Variants in ZNF790 observed in about 807,000 individuals in gnomAD.
The protein encoded by ZNF790 is zinc finger protein 790.
A neutral mutation model predicts 12.1 loss-of-function variants in ZNF790; 8 were observed. The observed-to-expected ratio is 0.66, with a 90% CI of 0.39 to 1.19. The LOEUF is 1.19. ZNF790 is among the 50% of genes most tolerant of loss of function. The pLI is 0.01. For synonymous variants in ZNF790, 252 were observed against 244.3 expected (o/e 1.03, Z -0.29); for missense variants, 707 against 752.2 (o/e 0.94, Z 0.70).
At chr19:36,832,715 A>G (rs2071966642) in intron 1 of ZNF790, among the ~76,000 whole-genome samples, 1 of 152,220 alleles carries the variant, frequency 6.6e-6, no homozygotes, top group East Asian at 1.9e-4. Flanking sequence ...TGGTGTTAAG[A>G]TAATAAATAT....
At chr19:36,832,660 G>T (rs570405424) in intron 1 of ZNF790, among the ~76,000 whole-genome samples, 1 of 152,084 alleles carries the variant, frequency 6.6e-6, no homozygotes, top group Non-Finnish European at 1.5e-5. Flanking sequence ...CCCCAAGCCA[G>T]AACTTCCCAG....
intron 1 of ZNF790, among the ~76,000 whole-genome samples, chr19:36,833,604 T>TA (rs1335581945): frequency 1.3e-5 from 2 of 152,148 alleles, no homozygotes; most frequent in African/African-American, 4.8e-5. Flanking sequence ...TAGCAAAAGA[T>TA]ATACCATGCA....
Position 36,819,449 on chromosome 19 carries a change from G to A in ZNF790, c.895C>T (p.Arg299Ter), listed in dbSNP as rs1227794. Residue 299 changes from arginine (R) to a stop codon, truncating the protein, a stop_gained, in exon 5 of 5, where the codon CGA becomes TGA. Coordinates refer to ENST00000356725, the MANE Select transcript of ZNF790 (RefSeq NM_206894.4). LOFTEE classifies it low-confidence loss of function (END_TRUNC). ...KAFSCGSDLTRHQRIHTGEKP... is the reference protein window; with the variant it reads ...KAFSCGSDLT Reference sequence around the variant, plus strand: ...TCACCAGTATGAATTCTCTGATGTCGAGTAAGATCTGAGCCACAACTAAAG... The same window carrying A: ...TCACCAGTATGAATTCTCTGATGTCAAGTAAGATCTGAGCCACAACTAAAG... 4.6e-3 allele frequency: 7,464 copies of A among 1,609,304 alleles called. 280 individuals carry two copies. In the African/African-American group the frequency reaches 0.087, roughly 19 times the overall value.
In ZNF790 at chr19:36,818,520, C is replaced by T. The variant is rs1200232733; in HGVS notation, c.1824G>A (p.Gln608=). 4 of 1,599,912 alleles carry T rather than the reference C, an allele frequency of 2.5e-6. No individual in the cohort carries two copies. The highest frequency in any genetic ancestry group is 3.4e-5 in the Admixed American group (2 of 59,356). The change falls in exon 5 of 5, where the codon CAG becomes CAA. Residue 608 remains glutamine, a synonymous_variant. Coordinates refer to ENST00000356725, the MANE Select transcript of ZNF790 (RefSeq NM_206894.4). ...AGGATTTCTCAAAAGTGTAAATATTCTGGTGTTGAGCAAAGTTTGACTCAT... is the reference window on the plus strand; with the variant it reads ...AGGATTTCTCAAAAGTGTAAATATTTTGGTGTTGAGCAAAGTTTGACTCAT... ...FSHESNFAQH[Q]NIYTFEKSYE... is the part of the protein sequence containing the mutation.
intron 2 of ZNF790, among the ~76,000 whole-genome samples, chr19:36,824,727 G>T (rs537139966): frequency 6.6e-6 from 1 of 152,264 alleles, no homozygotes; most frequent in East Asian, 1.9e-4. Flanking sequence ...ACACCAGCCT[G>T]GAAGAACTAG....
intron 1 of ZNF790, among the ~76,000 whole-genome samples, chr19:36,833,390 G>A (rs1469056274): frequency 6.6e-6 from 1 of 152,164 alleles, no homozygotes; most frequent in African/African-American, 2.4e-5. Flanking sequence ...TGATCCACCT[G>A]CCTCAGCCTC....
At chr19:36,820,892 CTT>C (rs1161286902) in intron 4 of ZNF790, among the ~76,000 whole-genome samples, 53 of 126,978 alleles carry the variant, frequency 4.2e-4, no homozygotes, top group African/African-American at 1.3e-3. Context: ...GAGACCCTGT[CTT>C]TTTTTTTTTT....
intron 1 of ZNF790, among the ~76,000 whole-genome samples, chr19:36,831,675 TGAAAA>T (rs1372945842): frequency 2.0e-5 from 3 of 151,840 alleles, no homozygotes; most frequent in Non-Finnish European, 2.9e-5. Flanking sequence ...GAAATGAAAA[TGAAAA>T]GAGAGATCCA....
chr19:36,826,629 TATATATAATAAA>T (rs2071809149), intron 1 of ZNF790, among the ~76,000 whole-genome samples: 1 of 127,268 alleles, frequency 7.9e-6, no homozygotes, highest in Non-Finnish European at 1.7e-5. Flanking sequence ...TCTATAATTA[TATATATAATAAA>T]AATTATATAT....
At chr19:36,828,578 G>C (rs554193268) in intron 1 of ZNF790, among the ~76,000 whole-genome samples, 63 of 152,274 alleles carry the variant, frequency 4.1e-4, no homozygotes, top group Admixed American at 1.1e-3. Context: ...CTAGGCTGAA[G>C]CGATCCTTCC....
intron 2 of ZNF790, among the ~76,000 whole-genome samples, chr19:36,825,003 T>TA (rs1270058275): frequency 6.6e-6 from 1 of 151,236 alleles, no homozygotes; most frequent in Non-Finnish European, 1.5e-5. Context: ...TTCAGTGTCA[T>TA]AAGTGATTAC....
At position 36,827,117 on chromosome 19, in the gene ZNF790, T is replaced by TACAC. The variant is rs760453936; in HGVS notation, c.-73-1429_-73-1426dup. 9.9e-3 allele frequency among the ~76,000 whole-genome samples: 605 copies of TACAC among 60,850 alleles called. 1 individual carries two copies. Among genetic ancestry groups the TACAC allele is most frequent in the Non-Finnish European group, 0.014 (430 of 29,962 alleles). The allele number at this position is 60,850 out of a possible 152,430, so 39.9% of individuals were successfully genotyped here. On this transcript the variant is annotated intron_variant, in intron 1 of 4. Transcript: ENST00000356725. ...GTGTGTGTGTGTATATATATACACA[T>TACAC]ACACACACACACACACACACACACA... is the stretch of plus-strand genomic sequence containing the variant.
rs547298213 is a variant in ZNF790, at chr19:36,848,554, T to G, written c.-74+1448A>C. ...ATGGAGCTGTACAGGAATGTGATGC[T>G]GGAGAACTAGAGCAACAGAGCCACA... On this transcript the variant is annotated intron_variant, in intron 1 of 4. Transcript: ENST00000528994. Among the ~76,000 whole-genome samples, 41 of 152,320 alleles carry G rather than the reference T, an allele frequency of 2.7e-4. 1 individual carries two copies. The South Asian group carries it at 7.7e-3, about 28-fold the overall frequency.
At position 36,820,048 on chromosome 19, in the gene ZNF790, G is replaced by T. The variant is rs762704202; in HGVS notation, c.296C>A (p.Ala99Asp). ...PKNGIFEREI[A>D]QLEIMRICKN... ...ACAAATTCTCATTATTTCCAATTGGGCTATTTCTCTCTCAAAAATGCCATT... is the reference window on the plus strand; with the variant it reads ...ACAAATTCTCATTATTTCCAATTGGTCTATTTCTCTCTCAAAAATGCCATT... The change falls in exon 5 of 5, where the codon GCC (alanine) becomes GAC (aspartate). Residue 99 changes from alanine to aspartate, a missense_variant. By Grantham distance (126) the Ala-to-Asp change is moderately radical (BLOSUM62 -2). Transcript: ENST00000356725. The T allele has an allele frequency of 2.4e-5, 39 of 1,612,154 alleles. No homozygotes were observed. The highest frequency in any genetic ancestry group is 3.2e-5 in the Non-Finnish European group (38 of 1,179,988).
At chr19:36,839,225 A>AT (rs1323182082), upstream of ZNF790, among the ~76,000 whole-genome samples, 4 of 152,094 alleles carry the variant, frequency 2.6e-5, no homozygotes, top group African/African-American at 9.7e-5. Context: ...CAGAGGAGTA[A>AT]TTTTTTTCAG....
At chr19:36,834,036 A>G (rs1327862693) in intron 1 of ZNF790, among the ~76,000 whole-genome samples, 1 of 152,102 alleles carries the variant, frequency 6.6e-6, no homozygotes, top group Non-Finnish European at 1.5e-5. Flanking sequence ...TGAGGTCAGG[A>G]GTTCGAGACC....
At chr19:36,834,243 CAAAAAA>C (rs751627349) in intron 1 of ZNF790, among the ~76,000 whole-genome samples, 5 of 34,886 alleles carry the variant, frequency 1.4e-4, no homozygotes, top group Admixed American at 5.6e-4. Flanking sequence ...AACTCCATCT[CAAAAAA>C]AAAAAAAAAA....
At chr19:36,828,851 T>C (rs1327195309) in intron 1 of ZNF790, among the ~76,000 whole-genome samples, 8 of 151,958 alleles carry the variant, frequency 5.3e-5, no homozygotes, top group Non-Finnish European at 1.2e-4. Context: ...TCAAAGTAAA[T>C]CCCAACCATC....
intron 1 of ZNF790, chr19:36,837,945 A>G (rs2072079135): frequency 6.6e-6 from 1 of 152,234 alleles, no homozygotes; most frequent in South Asian, 2.1e-4. Flanking sequence ...CTCAACGCAA[A>G]GCTCAATTCT....
Sources: gnomAD v4.1 joint callset for allele counts (sites outside exome capture counted in the v4.1 genomes callset) on GRCh38, gnomAD v4.1.1 for gene constraint, MANE v1.5 for transcripts, NCBI Gene and HGNC (gene_info 2026-07-23, HGNC 2026-07-21) for gene names.